BCAS3: variants seen among roughly 807,000 people sequenced by gnomAD.
BCAS3 encodes the protein BCAS4/BCAS3 fusion.
BCAS3 carries 53 observed loss-of-function variants against 116.1 expected under a neutral mutation model. The observed-to-expected ratio is 0.46, with a 90% CI of 0.37 to 0.57. The LOEUF is 0.57. Ranked by LOEUF, BCAS3 falls within the 20% of genes least tolerant of loss-of-function variation. The pLI is 0.00. For missense variants in BCAS3, 917 were observed against 1,165.4 expected, an observed-to-expected ratio of 0.79 and a Z score of 3.10; for synonymous variants, 391 against 408.2, an observed-to-expected ratio of 0.96 and a Z score of 0.51.
At chr17:61,304,909 A>G (rs2053727368) in intron 22 of BCAS3, among the ~76,000 whole-genome samples, 1 of 151,932 alleles carries the variant, frequency 6.6e-6, no homozygotes, top group South Asian at 2.1e-4. Context: ...GTGCACCACC[A>G]CGCCCAGCTA....
chr17:60,854,031 C>T (rs1424374251), intron 7 of BCAS3, among the ~76,000 whole-genome samples: 1 of 152,112 alleles, frequency 6.6e-6, no homozygotes, highest in Non-Finnish European at 1.5e-5. Flanking sequence ...GGTTTATCTC[C>T]TAATGCTATC....
intron 6 of BCAS3, among the ~76,000 whole-genome samples, 197 bp from the exon 7 acceptor site, chr17:60,807,807 A>G (rs1256577799): frequency 1.3e-5 from 2 of 151,666 alleles, no homozygotes. Context: ...ATGCTGGTTC[A>G]GTTTTTAAAA....
At chr17:60,803,956 C>G (rs1286004487) in intron 6 of BCAS3, among the ~76,000 whole-genome samples, 1 of 150,872 alleles carries the variant, frequency 6.6e-6, no homozygotes, top group Non-Finnish European at 1.5e-5. Flanking sequence ...CATGCACCAC[C>G]ACGCCCGGCT....
intron 7 of BCAS3, among the ~76,000 whole-genome samples, chr17:60,822,681 G>C (rs564016544): frequency 6.6e-6 from 1 of 152,320 alleles, no homozygotes; most frequent in South Asian, 2.1e-4. Context: ...GAAATGTACA[G>C]TTTCCAATTA....
At chr17:60,695,655 G>A (rs116457677) in intron 4 of BCAS3, among the ~76,000 whole-genome samples, 43 of 152,274 alleles carry the variant, frequency 2.8e-4, no homozygotes, top group African/African-American at 9.6e-4. Context: ...GTGGAATGCA[G>A]TGAAATGATC....
intron 5 of BCAS3, among the ~76,000 whole-genome samples, chr17:60,711,859 C>T (rs566934294): frequency 4.6e-5 from 7 of 151,688 alleles, no homozygotes; most frequent in African/African-American, 1.7e-4. Flanking sequence ...TTGAGACTAA[C>T]CTGGGCAGCA....
chr17:60,809,933 A>C (rs988652244), intron 7 of BCAS3, among the ~76,000 whole-genome samples: 1 of 152,198 alleles, frequency 6.6e-6, no homozygotes, highest in Non-Finnish European at 1.5e-5. Context: ...GAAATAATAA[A>C]ACTGAACAGA....
chr17:60,856,125 T>G (rs2053650963), intron 7 of BCAS3, among the ~76,000 whole-genome samples: 1 of 152,196 alleles, frequency 6.6e-6, no homozygotes, highest in African/African-American at 2.4e-5. Flanking sequence ...TCTCCTGGGA[T>G]AGTAATTTAA....
At chr17:61,252,519 C>T (rs1043323045) in intron 22 of BCAS3, among the ~76,000 whole-genome samples, 5 of 150,688 alleles carry the variant, frequency 3.3e-5, no homozygotes, top group African/African-American at 1.2e-4. Flanking sequence ...CCAGAGGGGC[C>T]GGAGGCAGGC....
Position 61,251,761 on chromosome 17 carries a change from TAGAC to T in BCAS3, c.2426-116565_2426-116562del, listed in dbSNP as rs2048385490. On this transcript the variant is annotated intron_variant, in intron 22 of 23. Transcript: ENST00000407086. This position sits in a 1 kb window ranked among gnomAD's most constrained non-coding sequence, Gnocchi z 4.7. ...AAAGCAATAGCAACTGGGAAAAGGC[TAGAC>T]TGCTAGGTTCCCAGCTATACTGGAT... is the stretch of plus-strand genomic sequence containing the variant. Among the ~76,000 whole-genome samples, 1 of 152,172 alleles carries T rather than the reference TAGAC, an allele frequency of 6.6e-6. No homozygotes were observed. Among genetic ancestry groups the T allele is most frequent in the Non-Finnish European group, 1.5e-5 (1 of 68,026 alleles).
At position 61,139,134 on chromosome 17, in the gene BCAS3, T is replaced by G. The variant is rs760323030; in HGVS notation, c.2425+54570T>G. Among the ~76,000 whole-genome samples the G allele has an allele frequency of 2.6e-5, 4 of 152,206 alleles. No individual in the cohort carries two copies. Among genetic ancestry groups the G allele is most frequent in the Non-Finnish European group, 5.9e-5 (4 of 68,034 alleles). On this transcript the variant is annotated intron_variant, in intron 22 of 23. Transcript: ENST00000407086. The surrounding 1 kb of genome is among the most constrained non-coding windows in gnomAD (Gnocchi z 4.7). ...TTGTTATCTTTTTATTTATACCTAT[T>G]TTCCCCCTGTACTTGTATTGCTAGT...
At position 61,056,776 on chromosome 17, in the gene BCAS3, C is replaced by T. The variant is rs750194106; in HGVS notation, c.2029+15884C>T. Reference sequence around the variant, plus strand: ...ATTAAGTGATGTACTACTGCATGCTCTCAGATATTGAGACACAGAGGTGTT... The same window carrying T: ...ATTAAGTGATGTACTACTGCATGCTTTCAGATATTGAGACACAGAGGTGTT... On this transcript the variant is annotated intron_variant, in intron 19 of 23. Transcript: ENST00000407086. This position sits in a 1 kb window ranked among gnomAD's most constrained non-coding sequence, Gnocchi z 4.9. Among the ~76,000 whole-genome samples the T allele has an allele frequency of 6.6e-6, 1 of 152,214 alleles. No individual in the cohort carries two copies. The highest frequency in any genetic ancestry group is 2.4e-5 in the African/African-American group (1 of 41,466).
rs1391707899 is a variant in BCAS3 at position 61,222,821 on chromosome 17, G to A, written c.2425+138257G>A. 6.6e-6 allele frequency among the ~76,000 whole-genome samples: 1 copy of A among 152,134 alleles called. No homozygotes were observed. Among genetic ancestry groups the A allele is most frequent in the Admixed American group, 6.5e-5 (1 of 15,270 alleles). ...AAGTTTCCTTTTGCCTCAGTCAGCTGCCTTGAATGAAATTATCTGCTGCTG... is the reference window on the plus strand; with the variant it reads ...AAGTTTCCTTTTGCCTCAGTCAGCTACCTTGAATGAAATTATCTGCTGCTG... On this transcript the variant is annotated intron_variant, in intron 22 of 23. Transcript: ENST00000407086. The surrounding 1 kb of genome is among the most constrained non-coding windows in gnomAD (Gnocchi z 6.1).
At chr17:61,373,204 C>T (rs2143553265) in intron 23 of BCAS3, among the ~76,000 whole-genome samples, 1 of 151,902 alleles carries the variant, frequency 6.6e-6, no homozygotes, top group Admixed American at 6.6e-5. Flanking sequence ...ATTCTCCTGC[C>T]TCAGCTTCCC....
intron 22 of BCAS3, among the ~76,000 whole-genome samples, chr17:61,172,711 C>A (rs768838654): frequency 4.5e-4 from 66 of 147,504 alleles, no homozygotes; most frequent in Non-Finnish European, 8.7e-4. Context: ...ATTGGCTGGG[C>A]GCGGTGGCTC....
intron 22 of BCAS3, among the ~76,000 whole-genome samples, chr17:61,260,979 T>C (rs766231965): frequency 1.3e-5 from 2 of 152,180 alleles, no homozygotes; most frequent in Non-Finnish European, 2.9e-5. Flanking sequence ...ATTATATGCA[T>C]TATAATTGAC....
intron 22 of BCAS3, among the ~76,000 whole-genome samples, chr17:61,296,909 T>C (rs759787289): frequency 6.6e-6 from 1 of 151,982 alleles, no homozygotes. Context: ...CATGGGGAGG[T>C]TGGGTTTCAT....
chr17:60,876,369 T>C (rs1448335205), intron 9 of BCAS3, among the ~76,000 whole-genome samples: 1 of 152,070 alleles, frequency 6.6e-6, no homozygotes, highest in Non-Finnish European at 1.5e-5. Flanking sequence ...TTTTCACTAA[T>C]ACCCCTTCTC....
chr17:60,870,353 A>G (rs1599311988), intron 8 of BCAS3, among the ~76,000 whole-genome samples: 1 of 152,186 alleles, frequency 6.6e-6, no homozygotes, highest in African/African-American at 2.4e-5. Flanking sequence ...CAGAAGGGAC[A>G]TAAGTAAACT....
Sources: allele counts gnomAD v4.1 joint callset (sites outside exome capture counted in the v4.1 genomes callset), GRCh38; gene constraint gnomAD v4.1.1; non-coding constraint Gnocchi (gnomAD v3.1); transcripts MANE v1.5; gene names NCBI Gene and HGNC (gene_info 2026-07-23, HGNC 2026-07-21).